Variants in PPP1R12B observed in about 807,000 individuals in gnomAD.
PPP1R12B encodes the protein protein phosphatase 1 regulatory subunit 12B.
PPP1R12B carries 76 observed loss-of-function variants against 126.1 expected under a neutral mutation model. The observed-to-expected ratio is 0.60, with a 90% CI of 0.50 to 0.73. The LOEUF is 0.73. Ranked by LOEUF, PPP1R12B falls within the 30% of genes least tolerant of loss-of-function variation. The probability of loss-of-function intolerance (pLI) is 0.00; values close to 1 mark genes in which losing one functional copy is unlikely to be tolerated. For synonymous variants in PPP1R12B, 356 were observed against 434.7 expected, an observed-to-expected ratio of 0.82 and a Z score of 2.25; for missense variants, 1,052 against 1,205.1, an observed-to-expected ratio of 0.87 and a Z score of 1.88.
chr1:202,377,316 T>C (rs972112417), intron 1 of PPP1R12B, among the ~76,000 whole-genome samples: 1 of 151,680 alleles, frequency 6.6e-6, no homozygotes, highest in Admixed American at 6.6e-5. Context: ...AGAAGGGTAG[T>C]ATCTTTTTTT....
chr1:202,440,593 G>A, intron 10 of PPP1R12B, 113 bp from the exon 11 acceptor site: 1 of 691,250 alleles, frequency 1.4e-6, no homozygotes, highest in Admixed American at 3.0e-5. Flanking sequence ...AATTAGTGTT[G>A]GATCCAGAAA....
At position 202,502,248 on chromosome 1, in the gene PPP1R12B, T is replaced by C. The variant is rs3767410; in HGVS notation, c.2490+5426T>C. Reference sequence around the variant, plus strand: ...TTAAAGAGTTACTAAATTATAGATATCAAGGTACCTGCCTTAGATAACTGG... The same window carrying C: ...TTAAAGAGTTACTAAATTATAGATACCAAGGTACCTGCCTTAGATAACTGG... On this transcript the variant is annotated intron_variant, in intron 18 of 23. Coordinates refer to ENST00000608999, the MANE Select transcript of PPP1R12B (RefSeq NM_002481.4). 5,076 of 984,158 alleles carry C rather than the reference T, an allele frequency of 5.2e-3. 366 individuals are homozygous for C. In the East Asian group the frequency reaches 0.24, roughly 46 times the overall value. 61.0% of individuals were successfully genotyped at this position (984,158 alleles called of 1,614,324 possible).
intron 21 of PPP1R12B, among the ~76,000 whole-genome samples, chr1:202,564,805 T>A (rs1428717793): frequency 2.6e-5 from 4 of 152,348 alleles, no homozygotes; most frequent in Admixed American, 1.3e-4. Flanking sequence ...ATCATCTACT[T>A]ATTTATTAGT....
chr1:202,376,180 A>G (rs569849631), intron 1 of PPP1R12B, among the ~76,000 whole-genome samples: 12 of 152,342 alleles, frequency 7.9e-5, no homozygotes, highest in Admixed American at 7.8e-4. Flanking sequence ...CTTTGCTTAA[A>G]AATATTTGAT....
In PPP1R12B at chr1:202,416,903, T is replaced by C; in HGVS notation, c.408T>C (p.Tyr136=). The C allele has an allele frequency of 1.2e-6, 2 of 1,614,018 alleles. No homozygotes were observed. The highest frequency in any genetic ancestry group is 1.7e-6 in the Non-Finnish European group (2 of 1,179,894). Residue 136 remains tyrosine (Y), a synonymous_variant, in exon 2 of 24, where the codon TAT becomes TAC. Coordinates refer to ENST00000608999, the MANE Select transcript of PPP1R12B (RefSeq NM_002481.4). The part of the protein sequence containing the change: ...TPLHAAASCG[Y]LNIAEYFINH... The stretch of plus-strand genomic sequence containing the variant: ...TTCATGCAGCAGCTTCCTGTGGCTA[T>C]CTCAACATAGCAGAGTGAGTGAGTC...
chr1:202,492,660 T>C (rs183229461), intron 14 of PPP1R12B, among the ~76,000 whole-genome samples: 3 of 152,356 alleles, frequency 2.0e-5, no homozygotes, highest in East Asian at 1.9e-4. Flanking sequence ...TTGTTGTTAT[T>C]GTAGCCTAGC....
In PPP1R12B at chr1:202,567,821, T is replaced by C; in HGVS notation, c.2801T>C (p.Met934Thr). 6.2e-7 allele frequency: 1 copy of C among 1,614,072 alleles called. No homozygotes were observed. Among genetic ancestry groups the C allele is most frequent in the Non-Finnish European group, 8.5e-7 (1 of 1,179,934 alleles). ...TCTGACCGATCATCAGTGCTGGAGA[T>C]GGAGAAACGGGTATGCGCATGTCTG... ...KTSDRSSVLE[M>T]EKRERRALER... Residue 934 changes from methionine to threonine, a missense_variant, in exon 22 of 24, where the codon ATG becomes ACG. Transcript: ENST00000608999.
intron 18 of PPP1R12B, among the ~76,000 whole-genome samples, chr1:202,504,327 A>C (rs890515634): frequency 1.3e-5 from 2 of 152,138 alleles, no homozygotes; most frequent in African/African-American, 4.8e-5. Context: ...CGGGAGGCGG[A>C]GGTGGCAGTG....
At chr1:202,444,340 T>G (rs533373658) in intron 12 of PPP1R12B, among the ~76,000 whole-genome samples, 1 of 152,228 alleles carries the variant, frequency 6.6e-6, no homozygotes, top group Admixed American at 6.5e-5. Flanking sequence ...TTTTGAAATT[T>G]GAACCCAAAT....
At chr1:202,472,969 T>G (rs138557154) in intron 13 of PPP1R12B, among the ~76,000 whole-genome samples, 1 of 152,332 alleles carries the variant, frequency 6.6e-6, no homozygotes, top group Non-Finnish European at 1.5e-5. Context: ...CTGAAAGATT[T>G]ACTGTTTGGC....
intron 1 of PPP1R12B, among the ~76,000 whole-genome samples, chr1:202,393,162 G>A (rs1440938953): frequency 6.6e-6 from 1 of 152,018 alleles, no homozygotes; most frequent in Non-Finnish European, 1.5e-5. Flanking sequence ...TGGCCAGGGT[G>A]GTCTCAAACT....
chr1:202,516,534 C>G (rs762070651), intron 18 of PPP1R12B, among the ~76,000 whole-genome samples: 24 of 151,562 alleles, frequency 1.6e-4, no homozygotes, highest in Non-Finnish European at 1.9e-4. Flanking sequence ...GACTCATCTG[C>G]GTATAACGAT....
At chr1:202,367,913 A>G (rs1231623574) in intron 1 of PPP1R12B, among the ~76,000 whole-genome samples, 1 of 151,734 alleles carries the variant, frequency 6.6e-6, no homozygotes, top group African/African-American at 2.4e-5. Context: ...AGGGTCCCTC[A>G]TGGTTTGGTG....
chr1:202,472,844 C>T (rs1676119894), intron 13 of PPP1R12B, among the ~76,000 whole-genome samples: 1 of 152,188 alleles, frequency 6.6e-6, no homozygotes, highest in South Asian at 2.1e-4. Context: ...TGCAACTGCT[C>T]CCTTCTGCTG....
At chr1:202,580,263 G>C (rs1689469204) in intron 23 of PPP1R12B, among the ~76,000 whole-genome samples, 1 of 152,188 alleles carries the variant, frequency 6.6e-6, no homozygotes, top group South Asian at 2.1e-4. Flanking sequence ...TCAAAAGATG[G>C]AGTGGCTATA....
chr1:202,478,629 A>G (rs1676977004), intron 13 of PPP1R12B, among the ~76,000 whole-genome samples: 1 of 152,162 alleles, frequency 6.6e-6, no homozygotes, highest in Admixed American at 6.5e-5. Flanking sequence ...AAAACTATAT[A>G]TAGTTTGTAT....
At chr1:202,386,800 A>G (rs1482209703) in intron 1 of PPP1R12B, among the ~76,000 whole-genome samples, 7 of 151,764 alleles carry the variant, frequency 4.6e-5, no homozygotes, top group East Asian at 1.9e-4. Context: ...TTTTTATAAT[A>G]TGCTAGTCTT....
At chr1:202,384,975 G>T (rs1027863558) in intron 1 of PPP1R12B, among the ~76,000 whole-genome samples, 2 of 152,168 alleles carry the variant, frequency 1.3e-5, no homozygotes, top group Non-Finnish European at 2.9e-5. Context: ...TAATTTCTCA[G>T]ATTAAAACTG....
In PPP1R12B at chr1:202,431,094, C is replaced by T. The variant is rs552979771; in HGVS notation, c.1001+284C>T. Among the ~76,000 whole-genome samples, 3 of 152,328 alleles carry T rather than the reference C, an allele frequency of 2.0e-5. No individual in the cohort carries two copies. The South Asian group carries it at 6.2e-4, about 32-fold the overall frequency. ...GCGCTCTTAGTCTCAACTTTTGCCT[C>T]TACTTACTGTAAGTTTCATGAACTC... is the stretch of plus-strand genomic sequence containing the variant. On this transcript the variant is annotated intron_variant, in intron 7 of 23. Coordinates refer to ENST00000608999, the MANE Select transcript of PPP1R12B (RefSeq NM_002481.4).
Sources: allele counts gnomAD v4.1 joint callset (sites outside exome capture counted in the v4.1 genomes callset), GRCh38; gene constraint gnomAD v4.1.1; transcripts MANE v1.5; gene names NCBI Gene and HGNC (gene_info 2026-07-23, HGNC 2026-07-21).